The following SIPA1L1 variants were observed in gnomAD, a reference collection of about 807,000 sequenced individuals.
The protein encoded by SIPA1L1 is signal-induced proliferation-associated 1-like protein 1.
In SIPA1L1, 26 loss-of-function variants were observed where a neutral mutation model predicts 162.7. The ratio of observed to expected loss-of-function variants is 0.16; its 90% CI spans 0.12 to 0.22. The LOEUF is 0.22. Ranked by LOEUF, SIPA1L1 falls within the 10% of genes least tolerant of loss-of-function variation. SIPA1L1 has a pLI of 1.00. For missense variants in SIPA1L1, 1,874 were observed against 2,241.0 expected (o/e 0.84, Z 3.31); for synonymous variants, 829 against 837.4 (o/e 0.99, Z 0.17).
At chr14:71,679,870 C>G (rs2045621125) in intron 12 of SIPA1L1, among the ~76,000 whole-genome samples, 1 of 152,186 alleles carries the variant, frequency 6.6e-6, no homozygotes, top group South Asian at 2.1e-4. Context: ...ATCAATTTAA[C>G]AAGAAGAGCT....
intron 5 of SIPA1L1, among the ~76,000 whole-genome samples, chr14:71,604,001 ATTTTT>A (rs539719151): frequency 8.5e-5 from 12 of 140,352 alleles, no homozygotes; most frequent in Non-Finnish European, 1.7e-4. Flanking sequence ...ATATATATAA[ATTTTT>A]TTTTTTTTGA....
intron 2 of SIPA1L1, among the ~76,000 whole-genome samples, chr14:71,479,368 T>TGTAC (rs1453962225): frequency 6.6e-6 from 1 of 151,656 alleles, no homozygotes. Flanking sequence ...TATGTATGTA[T>TGTAC]GTATGTGTGT....
rs769455099 is a variant in SIPA1L1, at chr14:71,739,375, A to G, written c.*214A>G. ...AACAAAAAAAGTAAATAAAAATTTT[A>G]AACAGTAAAATAAAAGTTTAACTGC... On this transcript the variant is annotated 3_prime_UTR_variant, in exon 24 of 24. Transcript: ENST00000381232. 5.3e-5 allele frequency: 19 copies of G among 358,822 alleles called. No individual in the cohort carries two copies. The highest frequency in any genetic ancestry group is 8.4e-5 in the Non-Finnish European group (17 of 201,642). 22.2% of individuals were successfully genotyped at this position (358,822 alleles called of 1,614,324 possible).
chr14:71,547,787 A>G (rs2055381870), intron 4 of SIPA1L1, among the ~76,000 whole-genome samples: 3 of 152,160 alleles, frequency 2.0e-5, no homozygotes, highest in Non-Finnish European at 4.4e-5. Flanking sequence ...CTGCACTTCA[A>G]GATTCCTGTC....
chr14:71,533,320 G>T (rs2145445971), intron 4 of SIPA1L1, among the ~76,000 whole-genome samples: 1 of 152,278 alleles, frequency 6.6e-6, no homozygotes, highest in East Asian at 1.9e-4. Flanking sequence ...GACATAAAAT[G>T]AAGACTTTTC....
chr14:71,472,104 G>A lies in SIPA1L1; in HGVS notation c.-464-40639G>A, dbSNP rs59476175. 5.8e-3 allele frequency among the ~76,000 whole-genome samples: 878 copies of A among 152,258 alleles called. 10 individuals carry two copies. Among genetic ancestry groups the A allele is most frequent in the African/African-American group, 0.02 (844 of 41,544 alleles). ...CTCTTCAGGGACCACCTCCTCCTGC[G>A]AAGTGCATGGATGCCCACCACCCTC... is the stretch of plus-strand genomic sequence containing the variant. On this transcript the variant is annotated intron_variant, in intron 2 of 23. Transcript: ENST00000381232.
At chr14:71,705,182 G>A (rs1208012909) in intron 15 of SIPA1L1, 40 bp from the exon 16 acceptor site, 9 of 1,409,384 alleles carry the variant, frequency 6.4e-6, no homozygotes, top group Admixed American at 1.7e-5. Context: ...GCTTGTTTCT[G>A]CTTAGTGCCT....
intron 2 of SIPA1L1, among the ~76,000 whole-genome samples, chr14:71,449,666 A>C (rs547397397): frequency 1.3e-5 from 2 of 152,372 alleles, no homozygotes; most frequent in South Asian, 4.1e-4. Context: ...AAATGAACAC[A>C]GTTATATGTA....
chr14:71,530,876 C>T (rs745824230), intron 4 of SIPA1L1, among the ~76,000 whole-genome samples: 5 of 152,078 alleles, frequency 3.3e-5, no homozygotes, highest in Non-Finnish European at 5.9e-5. Context: ...TACTCAAAAT[C>T]GTAAGGGAGT....
At chr14:71,701,817 G>A in intron 14 of SIPA1L1, among the ~76,000 whole-genome samples, 1 of 152,148 alleles carries the variant, frequency 6.6e-6, no homozygotes, top group Non-Finnish European at 1.5e-5. Flanking sequence ...CCCAAAGGCA[G>A]TTTAAAATTT....
At chr14:71,504,459 A>G (rs1013026780) in intron 2 of SIPA1L1, among the ~76,000 whole-genome samples, 20 of 152,016 alleles carry the variant, frequency 1.3e-4, no homozygotes, top group African/African-American at 4.6e-4. Context: ...TCTATTCTCT[A>G]CCTCCTTTTC....
chr14:71,446,894 G>GGTTT (rs2045394010), intron 2 of SIPA1L1, among the ~76,000 whole-genome samples: 2 of 87,406 alleles, frequency 2.3e-5, no homozygotes, highest in African/African-American at 8.7e-5. Context: ...GATGGGCTCT[G>GGTTT]TTTTTTTTTT....
chr14:71,634,902 C>T (rs959362159), intron 7 of SIPA1L1, among the ~76,000 whole-genome samples: 2 of 151,270 alleles, frequency 1.3e-5, no homozygotes, highest in Non-Finnish European at 2.9e-5. Flanking sequence ...TGCCACTGCA[C>T]TCCAGCCTGG....
At chr14:71,416,293 T>C (rs1014370572) in intron 2 of SIPA1L1, 2 of 152,192 alleles carry the variant, frequency 1.3e-5, no homozygotes, top group African/African-American at 2.4e-5. Flanking sequence ...GTCCAGACAA[T>C]ATCAAGAACT....
At chr14:71,591,218 A>G (rs1427251784) in intron 5 of SIPA1L1, among the ~76,000 whole-genome samples, 2 of 152,150 alleles carry the variant, frequency 1.3e-5, no homozygotes, top group Non-Finnish European at 2.9e-5. Flanking sequence ...TGTACTAGGC[A>G]TTTGCTATGC....
intron 2 of SIPA1L1, among the ~76,000 whole-genome samples, chr14:71,338,443 G>A (rs1467090341): frequency 6.6e-6 from 1 of 152,166 alleles, no homozygotes; most frequent in Non-Finnish European, 1.5e-5. Context: ...GTTGTGATAG[G>A]CTGTGTCCCA....
At chr14:71,600,105 T>C (rs939311781) in intron 5 of SIPA1L1, among the ~76,000 whole-genome samples, 4 of 152,202 alleles carry the variant, frequency 2.6e-5, no homozygotes, top group African/African-American at 9.6e-5. Flanking sequence ...GTACAAAAGC[T>C]TTTTACTTTA....
intron 10 of SIPA1L1, among the ~76,000 whole-genome samples, chr14:71,669,400 T>G (rs1245143302): frequency 1.3e-5 from 2 of 152,176 alleles, no homozygotes; most frequent in African/African-American, 4.8e-5. Flanking sequence ...TTATTTAAAA[T>G]AAAATCACAG....
chr14:71,426,836 G>A (rs942231246), intron 2 of SIPA1L1, among the ~76,000 whole-genome samples: 1 of 152,092 alleles, frequency 6.6e-6, no homozygotes, highest in African/African-American at 2.4e-5. Flanking sequence ...TCCTCTAATA[G>A]TTCAGGCACC....
Sources: gnomAD v4.1 joint callset for allele counts (sites outside exome capture counted in the v4.1 genomes callset) on GRCh38, gnomAD v4.1.1 for gene constraint, MANE v1.5 for transcripts, NCBI Gene and HGNC (gene_info 2026-07-23, HGNC 2026-07-21) for gene names.